CA14: variants seen among roughly 807,000 people sequenced by gnomAD.
CA14 encodes the protein carbonic anhydrase 14.
In CA14, 44 loss-of-function variants were observed where a neutral mutation model predicts 48.8. The observed-to-expected ratio is 0.90, with a 90% confidence interval of 0.71 to 1.16. The LOEUF (loss-of-function observed/expected upper bound fraction) is 1.16. CA14 is among the 50% of genes most tolerant of loss of function. The probability of loss-of-function intolerance (pLI) is 0.00; values close to 1 mark genes in which losing one functional copy is unlikely to be tolerated. For missense variants in CA14, 386 were observed against 401.0 expected (o/e 0.96, Z 0.32); for synonymous variants, 154 against 155.0 (o/e 0.99, Z 0.05).
At position 150,263,445 on chromosome 1, in the gene CA14, T is replaced by C. The variant is rs202141129; in HGVS notation, c.841+26T>C. ...GTGATTCTGCACGGCTCAGAAGAGA[T>C]GGGAAACTGAGGGGGACACAATGGC... On this transcript the variant is annotated intron_variant, in intron 8 of 10. Transcript: ENST00000369111. 376 of 1,612,432 alleles carry C rather than the reference T, an allele frequency of 2.3e-4. 3 individuals carry two copies. The Admixed American group carries it at 5.8e-3, about 25-fold the overall frequency.
intron 6 of CA14, 49 bp downstream of exon 6, chr1:150,262,919 CT>C (rs1651193106): frequency 6.3e-7 from 1 of 1,586,484 alleles, no homozygotes; most frequent in Non-Finnish European, 8.7e-7. Flanking sequence ...CTTTCAAAAA[CT>C]ATCCTTAAAA....
At chr1:150,264,290 C>G (rs909647336) in intron 10 of CA14, among the ~76,000 whole-genome samples, 4 of 152,090 alleles carry the variant, frequency 2.6e-5, no homozygotes, top group Non-Finnish European at 5.9e-5. Flanking sequence ...GCAACCTCCA[C>G]CTCCCGGGCT....
intron 1 of CA14, among the ~76,000 whole-genome samples, chr1:150,258,895 T>C (rs2101825746): frequency 6.6e-6 from 1 of 152,096 alleles, no homozygotes; most frequent in East Asian, 1.9e-4. Flanking sequence ...TAACTGAGGT[T>C]TGTGGAAAGA....
intron 1 of CA14, among the ~76,000 whole-genome samples, chr1:150,259,702 C>A (rs1299407826): frequency 6.6e-6 from 1 of 152,050 alleles, no homozygotes; most frequent in Non-Finnish European, 1.5e-5. Context: ...AGTAGCACCC[C>A]CCAACACACA....
intron 7 of CA14, 30 bp from the exon 8 acceptor site, chr1:150,263,269 T>A: frequency 6.2e-7 from 1 of 1,613,910 alleles, no homozygotes; most frequent in Non-Finnish European, 8.5e-7. Context: ...CTCCCCAAAG[T>A]AACACCTCTC....
chr1:150,263,007 T>G, intron 6 of CA14, 35 bp from the exon 7 acceptor site: 1 of 1,612,640 alleles, frequency 6.2e-7, no homozygotes, highest in Non-Finnish European at 8.5e-7. Flanking sequence ...TAGGGCACAC[T>G]GAAAGGAAGA....
chr1:150,263,811 G>A lies in CA14; in HGVS notation c.880G>A (p.Gly294Ser). 1 of 1,614,046 alleles carries A rather than the reference G, an allele frequency of 6.2e-7. No homozygotes were observed. The highest frequency in any genetic ancestry group is 1.1e-5 in the South Asian group (1 of 91,072). ...SYTTGEMLSL[G>S]VGILVGCLCL... is the part of the protein sequence containing the mutation. ...TCCCCCAGGTGAAATGCTGAGTCTA[G>A]GTGTAGGAATCTTGGTTGGCTGTCT... is the stretch of plus-strand genomic sequence containing the variant. Residue 294 changes from glycine to serine, a missense_variant, in exon 10 of 11, where the codon GGT (glycine) becomes AGT (serine). By Grantham distance (56) the Gly-to-Ser change is moderately conservative. Coordinates refer to ENST00000369111, the MANE Select transcript of CA14 (RefSeq NM_012113.3).
intron 1 of CA14, among the ~76,000 whole-genome samples, chr1:150,258,854 C>T (rs1650763063): frequency 6.6e-6 from 1 of 152,166 alleles, no homozygotes; most frequent in South Asian, 2.1e-4. Flanking sequence ...TTTCCTGTGC[C>T]TAGCACAGTG....
At chr1:150,262,375 T>C in intron 4 of CA14, 75 bp downstream of exon 4, 1 of 1,543,492 alleles carries the variant, frequency 6.5e-7, no homozygotes, top group Non-Finnish European at 8.8e-7. Context: ...ATCTGGACCT[T>C]AGGAAAAGTC....
At position 150,259,447 on chromosome 1, in the gene CA14, C is replaced by T. The variant is rs587775267; in HGVS notation, c.56-704C>T. Among the ~76,000 whole-genome samples, 5 of 152,260 alleles carry T rather than the reference C, an allele frequency of 3.3e-5. No individual in the cohort carries two copies. In the South Asian group the frequency reaches 1.0e-3, roughly 32 times the overall value. On this transcript the variant is annotated intron_variant, in intron 1 of 10. Transcript: ENST00000369111. ...TTCTCTACACACAATGCTTCACTTTCATCCTGTCCCTGCCAGCCTGGCTGC... is the reference window on the plus strand; with the variant it reads ...TTCTCTACACACAATGCTTCACTTTTATCCTGTCCCTGCCAGCCTGGCTGC...
intron 6 of CA14, 82 bp downstream of exon 6, chr1:150,262,952 A>G (rs1560026381): frequency 3.2e-6 from 5 of 1,579,172 alleles, no homozygotes; most frequent in African/African-American, 1.4e-5. Context: ...AAGCAATTAC[A>G]TAGAGCCAAG....
intron 10 of CA14, 63 bp from the exon 11 acceptor site, chr1:150,264,530 A>G (rs1553848939): frequency 2.1e-6 from 2 of 942,174 alleles, no homozygotes; most frequent in Admixed American, 1.8e-5. Flanking sequence ...GCATTCTCCT[A>G]TTTCACCTCT....
intron 1 of CA14, among the ~76,000 whole-genome samples, chr1:150,258,771 G>T (rs1242131905): frequency 2.6e-5 from 4 of 152,248 alleles, no homozygotes; most frequent in African/African-American, 9.6e-5. Flanking sequence ...CAGGAGATGA[G>T]GAGGGATTCT....
intron 2 of CA14, chr1:150,260,407 T>C: frequency 1.6e-6 from 1 of 614,752 alleles, no homozygotes; most frequent in Non-Finnish European, 3.0e-6. Context: ...CAGTAAATCG[T>C]GTAGGAGTGA....
intron 3 of CA14, 29 bp from the exon 4 acceptor site, chr1:150,262,129 C>A (rs1553847988): frequency 6.2e-7 from 1 of 1,613,884 alleles, no homozygotes; most frequent in Non-Finnish European, 8.5e-7. Flanking sequence ...CATGCCTCCA[C>A]CAATCCGAGT....
At chr1:150,260,210 C>T in intron 2 of CA14, 39 bp downstream of exon 2, 2 of 1,604,796 alleles carry the variant, frequency 1.2e-6, no homozygotes, top group Non-Finnish European at 1.7e-6. Context: ...CCCTTTCACA[C>T]TGGGACCTCC....
chr1:150,258,058 C>CCT lies in CA14; in HGVS notation c.-62_-61dup. ...TCTCTCTCTCTCTCACTCCTCCCTCCCTCTCTCTCTGCCTGTCCTAGTCCT... is the reference window on the plus strand; with the variant it reads ...TCTCTCTCTCTCTCACTCCTCCCTCCCTCTCTCTCTCTGCCTGTCCTAGTCCT... On this transcript the variant is annotated 5_prime_UTR_variant, in exon 1 of 11. Coordinates refer to ENST00000369111, the MANE Select transcript of CA14 (RefSeq NM_012113.3). The CCT allele has an allele frequency of 6.1e-6, 7 of 1,151,794 alleles. No individual in the cohort carries two copies. Among genetic ancestry groups the CCT allele is most frequent in the Non-Finnish European group, 8.7e-6 (7 of 800,102 alleles). 71.3% of individuals were successfully genotyped at this position (1,151,794 alleles called of 1,614,324 possible). A position where few individuals can be genotyped will look rare whatever the true frequency, so the allele number is the denominator to read the frequency against.
At chr1:150,261,124 A>C in intron 2 of CA14, 1 of 272,558 alleles carries the variant, frequency 3.7e-6, no homozygotes. Flanking sequence ...CTCTCAGGGT[A>C]TTCAGGTTTT....
intron 1 of CA14, among the ~76,000 whole-genome samples, chr1:150,258,775 G>A (rs782091997): frequency 7.9e-5 from 12 of 152,198 alleles, no homozygotes; most frequent in Non-Finnish European, 1.6e-4. Flanking sequence ...AGATGAGGAG[G>A]GATTCTTGGG....
Sources: allele counts gnomAD v4.1 joint callset (sites outside exome capture counted in the v4.1 genomes callset), GRCh38; gene constraint gnomAD v4.1.1; transcripts MANE v1.5; gene names NCBI Gene and HGNC (gene_info 2026-07-23, HGNC 2026-07-21).